Variants in UGGT2 observed in about 807,000 individuals in gnomAD.
UGGT2 encodes UDP-glucose glycoprotein glucosyltransferase 2, also known as UDP-glucose:glycoprotein glucosyltransferase 2.
Under a neutral mutation model 192.1 loss-of-function variants are expected in UGGT2, and 180 were observed. The observed-to-expected ratio is 0.94, with a 90% CI of 0.83 to 1.06. The LOEUF (loss-of-function observed/expected upper bound fraction) is 1.06, where lower values mean the gene tolerates loss of function less well. Ranked by LOEUF, UGGT2 falls within the 50% of genes least tolerant of loss-of-function variation. UGGT2 has a pLI of 0.00. For missense variants in UGGT2, 1,849 were observed against 1,795.7 expected (o/e 1.03, Z -0.54); for synonymous variants, 580 against 591.0 (o/e 0.98, Z 0.27).
chr13:95,997,851 TAGAG>T (rs1400528893), intron 6 of UGGT2, among the ~76,000 whole-genome samples: 1 of 152,038 alleles, frequency 6.6e-6, no homozygotes, highest in Non-Finnish European at 1.5e-5. Flanking sequence ...GGACACAAAT[TAGAG>T]AGGGCTGAAG....
chr13:95,985,286 C>T (rs763154880), intron 9 of UGGT2: 1 of 1,287,902 alleles, frequency 7.8e-7, no homozygotes. Context: ...TTCTCAAATT[C>T]TTGACATTTA....
intron 1 of UGGT2, among the ~76,000 whole-genome samples, chr13:96,036,135 G>A (rs6492829): frequency 0.39 from 59,229 of 152,012 alleles, 11,778 homozygotes; most frequent in Middle Eastern, 0.43. Flanking sequence ...TTACAATAGC[G>A]AAGACATGGC....
At chr13:95,912,022 A>G (rs574460159) in intron 20 of UGGT2, among the ~76,000 whole-genome samples, 3 of 150,938 alleles carry the variant, frequency 2.0e-5, no homozygotes, top group East Asian at 1.9e-4. Flanking sequence ...AAAGGCCTTT[A>G]ACAAAATTCA....
rs557918116 is a variant in UGGT2, at chr13:95,900,704, C to A, written c.2634+103G>T. The A allele has an allele frequency of 7.8e-6, 10 of 1,290,260 alleles. No homozygotes were observed. In the South Asian group the frequency reaches 1.9e-4, roughly 24 times the overall value. 79.9% of individuals were successfully genotyped at this position (1,290,260 alleles called of 1,614,324 possible). On this transcript the variant is annotated intron_variant, in intron 22 of 38. Coordinates refer to ENST00000376747, the MANE Select transcript of UGGT2 (RefSeq NM_020121.4). ...GTGTCTTCAGCTCATGAACACCGTC[C>A]TCTGTGTGTGTCAGTCACATCAGGG... is the stretch of plus-strand genomic sequence containing the variant.
chr13:95,947,982 A>C lies in UGGT2; in HGVS notation c.1541+14T>G. 1.3e-6 allele frequency: 2 copies of C among 1,595,234 alleles called. No individual in the cohort carries two copies. Among genetic ancestry groups the C allele is most frequent in the Non-Finnish European group, 8.6e-7 (1 of 1,163,792 alleles). Reference sequence around the variant, plus strand: ...CCTTTAGTTGACAGTTTAATGCTATAAAATGACAATTACCTAAGAGGAACT... The same window carrying C: ...CCTTTAGTTGACAGTTTAATGCTATCAAATGACAATTACCTAAGAGGAACT... On this transcript the variant is annotated intron_variant, in intron 14 of 38. Transcript: ENST00000376747.
At chr13:95,910,249 C>T (rs185759857) in intron 20 of UGGT2, among the ~76,000 whole-genome samples, 34 of 152,172 alleles carry the variant, frequency 2.2e-4, no homozygotes, top group Non-Finnish European at 2.9e-5. Flanking sequence ...CAATATTAAC[C>T]TGAAATTTAA....
intron 22 of UGGT2, among the ~76,000 whole-genome samples, chr13:95,898,119 T>G (rs2047999258): frequency 6.6e-6 from 1 of 152,106 alleles, no homozygotes; most frequent in Non-Finnish European, 1.5e-5. Flanking sequence ...ACTAGAACCA[T>G]TCTGGTCCAA....
intron 31 of UGGT2, 55 bp downstream of exon 31, chr13:95,863,574 A>G: frequency 5.6e-6 from 8 of 1,420,934 alleles, no homozygotes; most frequent in African/African-American, 2.8e-5. Flanking sequence ...GAACTTCCAC[A>G]TACTAGACTT....
intron 17 of UGGT2, among the ~76,000 whole-genome samples, chr13:95,928,716 C>T (rs1028986081): frequency 1.3e-4 from 19 of 151,962 alleles, no homozygotes; most frequent in Non-Finnish European, 2.6e-4. Context: ...CCAGACTGGG[C>T]GGCTGGGCAG....
intron 37 of UGGT2, among the ~76,000 whole-genome samples, chr13:95,835,914 A>C (rs1476280636): frequency 6.6e-6 from 1 of 152,200 alleles, no homozygotes; most frequent in Non-Finnish European, 1.5e-5. Context: ...AGCATGTATG[A>C]TATATTTTAA....
chr13:95,941,294 G>T (rs1594392816), intron 15 of UGGT2, among the ~76,000 whole-genome samples: 1 of 152,288 alleles, frequency 6.6e-6, no homozygotes, highest in East Asian at 1.9e-4. Flanking sequence ...TGGCTAAAAT[G>T]ATCCCCATGT....
At chr13:95,953,285 C>T (rs1054434272) in intron 12 of UGGT2, among the ~76,000 whole-genome samples, 5 of 152,182 alleles carry the variant, frequency 3.3e-5, no homozygotes, top group Non-Finnish European at 7.3e-5. Flanking sequence ...TTATGGAAAT[C>T]TATGAGTGCA....
chr13:96,000,668 C>T (rs2051770802), intron 5 of UGGT2, among the ~76,000 whole-genome samples: 1 of 152,080 alleles, frequency 6.6e-6, no homozygotes, highest in African/African-American at 2.4e-5. Flanking sequence ...TGTTATAGTT[C>T]ATAAAAGAAA....
At chr13:96,052,542 C>G (rs1474708307) in intron 1 of UGGT2, among the ~76,000 whole-genome samples, 1 of 151,948 alleles carries the variant, frequency 6.6e-6, no homozygotes, top group African/African-American at 2.4e-5. Flanking sequence ...TTTTTAGGGA[C>G]ACACACTGTT....
chr13:95,839,032 T>C (rs1208225083), intron 36 of UGGT2, among the ~76,000 whole-genome samples: 3 of 152,114 alleles, frequency 2.0e-5, no homozygotes, highest in African/African-American at 4.8e-5. Context: ...TCAACTGTCT[T>C]ATTCTTCTCT....
At chr13:95,823,580 C>A (rs1885714507) in intron 38 of UGGT2, among the ~76,000 whole-genome samples, 1 of 152,018 alleles carries the variant, frequency 6.6e-6, no homozygotes, top group Admixed American at 6.6e-5. Flanking sequence ...AATAGCTACG[C>A]CTGCTTGCTT....
intron 12 of UGGT2, among the ~76,000 whole-genome samples, chr13:95,964,261 C>T (rs1017780198): frequency 1.1e-4 from 16 of 152,086 alleles, no homozygotes; most frequent in Non-Finnish European, 2.9e-5. Flanking sequence ...AATCTGATAT[C>T]GATATGCAGA....
chr13:95,850,365 G>T (rs748374706), intron 36 of UGGT2, among the ~76,000 whole-genome samples: 4 of 152,214 alleles, frequency 2.6e-5, no homozygotes, highest in Non-Finnish European at 5.9e-5. Flanking sequence ...AAATTCTGGG[G>T]TAGAGGCTTC....
intron 29 of UGGT2, among the ~76,000 whole-genome samples, chr13:95,869,004 T>C (rs1890955627): frequency 6.6e-6 from 1 of 151,672 alleles, no homozygotes; most frequent in Non-Finnish European, 1.5e-5. Flanking sequence ...CATTTAACAT[T>C]AGGTATATCT....
Sources: allele counts gnomAD v4.1 joint callset (sites outside exome capture counted in the v4.1 genomes callset), GRCh38; gene constraint gnomAD v4.1.1; transcripts MANE v1.5; gene names NCBI Gene and HGNC (gene_info 2026-07-23, HGNC 2026-07-21).